The following DROSHA variants were observed in gnomAD, a reference collection of about 807,000 sequenced individuals.
The protein encoded by DROSHA is drosha ribonuclease III.
Under a neutral mutation model 181.9 loss-of-function variants are expected in DROSHA, and 56 were observed. That is an observed-to-expected ratio of 0.31 (90% CI 0.25 to 0.38). DROSHA has a LOEUF of 0.38. Among genes scored for constraint, DROSHA ranks in the 10% least tolerant of loss-of-function variants. The pLI, the probability that DROSHA is intolerant of heterozygous loss-of-function variation, is 1.00. For synonymous variants in DROSHA, 524 were observed against 591.2 expected, an observed-to-expected ratio of 0.89 and a Z score of 1.65; for missense variants, 1,218 against 1,743.5, an observed-to-expected ratio of 0.70 and a Z score of 5.37.
At chr5:31,531,176 C>A (rs1741305088) in intron 2 of DROSHA, among the ~76,000 whole-genome samples, 1 of 152,052 alleles carries the variant, frequency 6.6e-6, no homozygotes, top group Non-Finnish European at 1.5e-5. Context: ...TTTAAAAATA[C>A]AAAATAATGC....
chr5:31,434,420 T>A (rs373247632), intron 25 of DROSHA, among the ~76,000 whole-genome samples: 6 of 152,340 alleles, frequency 3.9e-5, no homozygotes, highest in African/African-American at 1.4e-4. Flanking sequence ...CATAGAGTTG[T>A]GAAATTTCAT....
Position 31,449,413 on chromosome 5 carries a change from T to C in DROSHA, c.2689A>G (p.Met897Val), listed in dbSNP as rs1360547844. ...TTTAAATGATGACTTGGATGAGTCA[T>C]GGCCAGCTAAAATTTCAATGAAATA... ...FQDRCLLQLA[M>V]THPSHHLNFG... Residue 897 changes from methionine to valine, a missense_variant, in exon 22 of 36, where the codon ATG becomes GTG. Around this residue, in one of 8 missense-constraint regions of DROSHA, gnomAD observed 460 missense variants for 774.2 expected, o/e 0.59. Transcript: ENST00000344624. 6.4e-7 allele frequency: 1 copy of C among 1,570,382 alleles called. No homozygotes were observed. Among genetic ancestry groups the C allele is most frequent in the South Asian group, 1.2e-5 (1 of 85,880 alleles).
chr5:31,430,372 G>T (rs1744030915), intron 26 of DROSHA, among the ~76,000 whole-genome samples: 1 of 152,168 alleles, frequency 6.6e-6, no homozygotes, highest in Non-Finnish European at 1.5e-5. Flanking sequence ...TCAGTAGGAG[G>T]ATGTTAGAAA....
rs1740562086 is a variant in DROSHA, at chr5:31,526,361, G to T, written c.572C>A (p.Ser191Tyr). 1 of 1,613,746 alleles carries T rather than the reference G, an allele frequency of 6.2e-7. No homozygotes were observed. Among genetic ancestry groups the T allele is most frequent in the Non-Finnish European group, 8.5e-7 (1 of 1,179,874 alleles). The part of the protein sequence containing the change: ...SFNSFQNNPS[S>Y]FLPSANNSSS... ...GCTGTTATTAGCACTGGGCAGGAAA[G>T]AACTAGGGTTGTTCTGGAAACTATT... Residue 191 changes from serine (S) to tyrosine (Y), a missense_variant, in exon 5 of 36, where the codon TCT (serine) becomes TAT (tyrosine). Ser to Tyr is a moderately radical substitution (Grantham distance 144). Coordinates refer to ENST00000344624, the MANE Select transcript of DROSHA (RefSeq NM_001382508.1).
At chr5:31,509,634 G>C (rs895982187) in intron 9 of DROSHA, among the ~76,000 whole-genome samples, 1 of 152,242 alleles carries the variant, frequency 6.6e-6, no homozygotes, top group Non-Finnish European at 1.5e-5. Context: ...GGGGCTGGGA[G>C]TGCTGGGAAT....
chr5:31,489,951 TCA>T (rs1349933859), intron 13 of DROSHA, among the ~76,000 whole-genome samples: 2 of 152,196 alleles, frequency 1.3e-5, no homozygotes, highest in African/African-American at 4.8e-5. Flanking sequence ...CGATCTTGAC[TCA>T]CTGCAAACTC....
chr5:31,526,060 C>A lies in DROSHA; in HGVS notation c.854+19G>T, dbSNP rs1016965947. The A allele has an allele frequency of 2.6e-6, 4 of 1,552,166 alleles. No homozygotes were observed. The highest frequency in any genetic ancestry group is 3.7e-5 in the Admixed American group (2 of 53,744). ...TGGGCCTCTGCAGTTCATTAAAGAA[C>A]TACACACAAGCGGTTTACCTGCTCC... On this transcript the variant is annotated intron_variant, in intron 5 of 35. Transcript: ENST00000344624.
intron 20 of DROSHA, among the ~76,000 whole-genome samples, chr5:31,457,087 A>G (rs1311535888): frequency 2.7e-5 from 4 of 149,876 alleles, no homozygotes; most frequent in Admixed American, 2.0e-4. Flanking sequence ...AGAAAAACAC[A>G]TATATATTTG....
intron 23 of DROSHA, among the ~76,000 whole-genome samples, chr5:31,437,760 C>T (rs547730416): frequency 1.3e-3 from 200 of 152,258 alleles, no homozygotes; most frequent in African/African-American, 4.5e-3. Context: ...GTGTAATCTA[C>T]GTTTTCAGTC....
chr5:31,482,276 C>T (rs1259605162), intron 16 of DROSHA, among the ~76,000 whole-genome samples: 2 of 152,126 alleles, frequency 1.3e-5, no homozygotes, highest in African/African-American at 4.8e-5. Flanking sequence ...AAAAGGCAAG[C>T]AGTTGGATTG....
chr5:31,484,380 C>CAAAAAAA (rs377304788), intron 15 of DROSHA, among the ~76,000 whole-genome samples: 19 of 82,976 alleles, frequency 2.3e-4, no homozygotes, highest in African/African-American at 5.4e-4. Flanking sequence ...GACTCCGTCT[C>CAAAAAAA]AAAAAAAAAA....
chr5:31,431,558 G>A lies in DROSHA; in HGVS notation c.3145+18C>T. The A allele has an allele frequency of 3.1e-6, 5 of 1,611,748 alleles. No individual in the cohort carries two copies. Among genetic ancestry groups the A allele is most frequent in the South Asian group, 1.1e-5 (1 of 91,024 alleles). ...AGACATGCAAGAAAGTAGACTTCTT[G>A]AAGAAGAGAGAAATTACCTATTAAC... On this transcript the variant is annotated intron_variant, in intron 26 of 35. Transcript: ENST00000344624.
At chr5:31,529,363 C>T (rs1740954904) in intron 3 of DROSHA, among the ~76,000 whole-genome samples, 1 of 152,164 alleles carries the variant, frequency 6.6e-6, no homozygotes, top group Non-Finnish European at 1.5e-5. Flanking sequence ...CATAGATCAT[C>T]TCTAATTTGT....
rs1739842958 is a variant in DROSHA, at chr5:31,521,118, C to T, written c.947+5G>A. 1.9e-6 allele frequency: 3 copies of T among 1,613,406 alleles called. No homozygotes were observed. Among genetic ancestry groups the T allele is most frequent in the Non-Finnish European group, 2.5e-6 (3 of 1,179,498 alleles). ...GACTTCTTTCAGTGTCAACTCCTTG[C>T]TTACCTTCCAGATCTCTTATACTCT... is the stretch of plus-strand genomic sequence containing the variant. On this transcript the variant is annotated splice_donor_5th_base_variant and intron_variant, in intron 6 of 35. Coordinates refer to ENST00000344624, the MANE Select transcript of DROSHA (RefSeq NM_001382508.1).
At chr5:31,440,472 G>C (rs1745440700) in intron 23 of DROSHA, among the ~76,000 whole-genome samples, 1 of 151,888 alleles carries the variant, frequency 6.6e-6, no homozygotes, top group Admixed American at 6.5e-5. Context: ...TATCGCATTA[G>C]TAAGTTTATT....
At chr5:31,447,807 T>C (rs1287935354) in intron 23 of DROSHA, among the ~76,000 whole-genome samples, 1 of 152,156 alleles carries the variant, frequency 6.6e-6, no homozygotes, top group East Asian at 1.9e-4. Context: ...AGATAATACT[T>C]CATATTCACT....
intron 27 of DROSHA, among the ~76,000 whole-genome samples, chr5:31,429,134 TG>T (rs1250555507): frequency 2.0e-5 from 3 of 152,220 alleles, no homozygotes; most frequent in Non-Finnish European, 4.4e-5. Flanking sequence ...TAAGCCTGCA[TG>T]GGGTAGATAC....
At chr5:31,500,576 T>C (rs990778657) in intron 11 of DROSHA, among the ~76,000 whole-genome samples, 4 of 152,332 alleles carry the variant, frequency 2.6e-5, no homozygotes, top group African/African-American at 7.2e-5. Context: ...CTGGAAAATA[T>C]GCCAAATAAT....
At chr5:31,451,824 T>C (rs1341987330) in intron 20 of DROSHA, among the ~76,000 whole-genome samples, 184 bp from the exon 21 acceptor site, 2 of 152,202 alleles carry the variant, frequency 1.3e-5, no homozygotes, top group African/African-American at 4.8e-5. Flanking sequence ...GTTAAGAGTA[T>C]ATAGTCTCTA....
Sources: gnomAD v4.1 joint callset for allele counts (sites outside exome capture counted in the v4.1 genomes callset) on GRCh38, gnomAD v4.1.1 for gene constraint, gnomAD v4.1.1 regional missense constraint, MANE v1.5 for transcripts, NCBI Gene and HGNC (gene_info 2026-07-23, HGNC 2026-07-21) for gene names.